Variants in SLC8A1 observed in about 807,000 individuals in gnomAD.
SLC8A1 encodes the protein sodium/calcium exchanger 1.
Under a neutral mutation model 68.3 loss-of-function variants are expected in SLC8A1, and 18 were observed. The observed-to-expected ratio is 0.26, with a 90% CI of 0.18 to 0.39. The LOEUF (loss-of-function observed/expected upper bound fraction) is 0.39. Ranked by LOEUF, SLC8A1 falls within the 10% of genes least tolerant of loss-of-function variation. The pLI is 1.00. For synonymous variants in SLC8A1, 475 were observed against 415.5 expected (o/e 1.14, Z -1.74); for missense variants, 985 against 1,156.7 (o/e 0.85, Z 2.15).
At chr2:40,196,980 G>C (rs1307654698) in intron 2 of SLC8A1, among the ~76,000 whole-genome samples, 1 of 151,998 alleles carries the variant, frequency 6.6e-6, no homozygotes, top group African/African-American at 2.4e-5. Flanking sequence ...TCTGCAGAGG[G>C]GGTGTTCTTT....
chr2:40,488,552 T>C (rs1705116906), intron 1 of SLC8A1, among the ~76,000 whole-genome samples: 1 of 152,132 alleles, frequency 6.6e-6, no homozygotes. Context: ...AAAAGGGAAG[T>C]CTCATATGAC....
chr2:40,121,518 G>A (rs1337323619), intron 7 of SLC8A1, among the ~76,000 whole-genome samples: 2 of 152,090 alleles, frequency 1.3e-5, no homozygotes, highest in South Asian at 2.1e-4. Context: ...CTCACAATAT[G>A]GTTATTCTCC....
intron 2 of SLC8A1, among the ~76,000 whole-genome samples, chr2:40,333,119 C>T (rs1024700159): frequency 2.6e-5 from 4 of 152,126 alleles, no homozygotes; most frequent in African/African-American, 4.8e-5. Flanking sequence ...AATCTCTTAA[C>T]GAAAATACTT....
chr2:40,413,405 T>C lies in SLC8A1; in HGVS notation c.1808+15068A>G, dbSNP rs533758184. Among the ~76,000 whole-genome samples, 4 of 152,140 alleles carry C rather than the reference T, an allele frequency of 2.6e-5. No homozygotes were observed. The South Asian group carries it at 8.3e-4, about 32-fold the overall frequency. ...AAAAAAATGTGGCACATATACACCA[T>C]GGAATACTATGCAGCCATAAAAAAA... On this transcript the variant is annotated intron_variant, in intron 2 of 7. Transcript: ENST00000406785.
At chr2:40,330,573 T>C (rs1006611658) in intron 2 of SLC8A1, among the ~76,000 whole-genome samples, 1 of 152,156 alleles carries the variant, frequency 6.6e-6, no homozygotes, top group African/African-American at 2.4e-5. Flanking sequence ...CAGTCCATTA[T>C]TCCAAGCAGG....
intron 2 of SLC8A1, among the ~76,000 whole-genome samples, chr2:40,418,372 C>G (rs958557270): frequency 2.0e-5 from 3 of 152,104 alleles, no homozygotes; most frequent in African/African-American, 7.2e-5. Context: ...CAGAAACAAC[C>G]CACAAAGGGT....
chr2:40,391,144 T>A (rs1177047490), intron 2 of SLC8A1, among the ~76,000 whole-genome samples: 10 of 148,462 alleles, frequency 6.7e-5, no homozygotes, highest in African/African-American at 9.9e-5. Flanking sequence ...CTCCTTAAAA[T>A]ATATATATAT....
chr2:40,303,077 G>T (rs188352957), intron 2 of SLC8A1, among the ~76,000 whole-genome samples: 111 of 152,198 alleles, frequency 7.3e-4, no homozygotes, highest in Middle Eastern at 3.4e-3. Flanking sequence ...AAAATGAATT[G>T]AATCTGTATA....
chr2:40,361,170 TTGTTCATGAA>T (rs1674511368), intron 2 of SLC8A1, among the ~76,000 whole-genome samples: 1 of 152,136 alleles, frequency 6.6e-6, no homozygotes, highest in Non-Finnish European at 1.5e-5. Context: ...CAAGAGACCC[TTGTTCATGAA>T]TGGAGTTTAA....
chr2:40,420,119 T>C (rs1695064764), intron 2 of SLC8A1, among the ~76,000 whole-genome samples: 1 of 152,138 alleles, frequency 6.6e-6, no homozygotes, highest in Admixed American at 6.6e-5. Context: ...GAATTGGGCA[T>C]TTAAAAAATA....
Position 40,364,815 on chromosome 2 carries a change from A to G in SLC8A1, c.1808+63658T>C, listed in dbSNP as rs551347763. 8.5e-5 allele frequency among the ~76,000 whole-genome samples: 13 copies of G among 152,246 alleles called. 1 individual carries two copies. The South Asian group carries it at 2.5e-3, about 29-fold the overall frequency. On this transcript the variant is annotated intron_variant, in intron 2 of 7. Transcript: ENST00000406785. ...TTTTTAAACAGAAAGTTAGGAGAAA[A>G]TAATACAGTGATGAGGATAAGAAAG...
chr2:40,220,952 G>C (rs1284013268), intron 2 of SLC8A1, among the ~76,000 whole-genome samples: 4 of 151,862 alleles, frequency 2.6e-5, no homozygotes, highest in African/African-American at 9.7e-5. Flanking sequence ...GAGGTACAAA[G>C]AGGAGCTGGT....
rs1442606449 is a variant in SLC8A1 at position 40,244,188 on chromosome 2, G to T, written c.1809-66333C>A. On this transcript the variant is annotated intron_variant, in intron 2 of 7. Transcript: ENST00000406785. ...AGCTTTCCTGGTATCTCCTCACTAG[G>T]GGGTTAGGAAGTAAGTAAATACACT... 2.0e-5 allele frequency among the ~76,000 whole-genome samples: 3 copies of T among 152,224 alleles called. No individual in the cohort carries two copies. The East Asian group carries it at 5.8e-4, about 29-fold the overall frequency.
intron 1 of SLC8A1, among the ~76,000 whole-genome samples, chr2:40,444,682 T>C (rs1026651824): frequency 1.3e-5 from 2 of 152,198 alleles, no homozygotes; most frequent in Admixed American, 6.5e-5. Flanking sequence ...CCTTTTAAAA[T>C]TACTGGAAAA....
chr2:40,232,157 G>A (rs1444521394), intron 2 of SLC8A1, among the ~76,000 whole-genome samples: 2 of 152,126 alleles, frequency 1.3e-5, no homozygotes, highest in East Asian at 1.9e-4. Context: ...TCTAGTAAAC[G>A]GGCTTTGGAA....
At chr2:40,279,112 T>C (rs2067162722) in intron 2 of SLC8A1, among the ~76,000 whole-genome samples, 1 of 152,210 alleles carries the variant, frequency 6.6e-6, no homozygotes. Flanking sequence ...TTGAAATGTG[T>C]GGTCCATAGC....
At chr2:40,331,283 G>A (rs559379975) in intron 2 of SLC8A1, among the ~76,000 whole-genome samples, 5 of 152,194 alleles carry the variant, frequency 3.3e-5, no homozygotes, top group African/African-American at 9.6e-5. Flanking sequence ...ACTAGTGAGA[G>A]GCTAGAAAGT....
intron 2 of SLC8A1, among the ~76,000 whole-genome samples, chr2:40,206,815 C>A (rs79078315): frequency 0.014 from 2,175 of 152,022 alleles, 60 homozygotes; most frequent in African/African-American, 0.049. Flanking sequence ...TTTATAATTG[C>A]AATATCTTCT....
chr2:40,509,329 A>G (rs952244257), intron 1 of SLC8A1, among the ~76,000 whole-genome samples: 19 of 151,634 alleles, frequency 1.3e-4, no homozygotes, highest in Non-Finnish European at 2.8e-4. Context: ...ACCTTTGCCT[A>G]GTCTCAGGCC....
Sources: gnomAD v4.1 joint callset for allele counts (sites outside exome capture counted in the v4.1 genomes callset) on GRCh38, gnomAD v4.1.1 for gene constraint, MANE v1.5 for transcripts, NCBI Gene and HGNC (gene_info 2026-07-23, HGNC 2026-07-21) for gene names.